The following AGFG1 variants were observed in gnomAD, a reference collection of about 807,000 sequenced individuals.
AGFG1 encodes ArfGAP with FG repeats 1, also known as arf-GAP domain and FG repeat-containing protein 1.
In AGFG1, 10 loss-of-function variants were observed where a neutral mutation model predicts 60.6. The observed-to-expected ratio is 0.16, with a 90% CI of 0.10 to 0.28. The LOEUF (loss-of-function observed/expected upper bound fraction) is 0.28, where lower values mean the gene tolerates loss of function less well. AGFG1 is among the 10% of genes least tolerant of loss of function. The pLI is 1.00. For synonymous variants in AGFG1, 247 were observed against 242.9 expected, an observed-to-expected ratio of 1.02 and a Z score of -0.16; for missense variants, 537 against 676.5, an observed-to-expected ratio of 0.79 and a Z score of 2.29.
At chr2:227,523,993 A>C (rs1187105289) in intron 4 of AGFG1, 68 bp downstream of exon 4, 2 of 1,461,016 alleles carry the variant, frequency 1.4e-6, no homozygotes, top group Non-Finnish European at 1.9e-6. Flanking sequence ...GAATTTGAGA[A>C]TTGTTTAAGA....
chr2:227,536,058 T>C (rs1000299640), intron 8 of AGFG1, among the ~76,000 whole-genome samples: 1 of 152,152 alleles, frequency 6.6e-6, no homozygotes, highest in African/African-American at 2.4e-5. Context: ...CTAGGGTACA[T>C]GTGCACAACG....
At chr2:227,497,252 TTTGGTCTGCAGA>T (rs939574708) in intron 2 of AGFG1, among the ~76,000 whole-genome samples, 3 of 149,332 alleles carry the variant, frequency 2.0e-5, no homozygotes, top group Middle Eastern at 3.4e-3. Context: ...GATGACCCAG[TTTGGTCTGCAGA>T]TTGAAGATGT....
chr2:227,560,877 A>C lies in AGFG1; in HGVS notation c.*6382A>C, dbSNP rs1225986117. On this transcript the variant is annotated 3_prime_UTR_variant, in exon 13 of 13. Coordinates refer to ENST00000310078, the MANE Select transcript of AGFG1 (RefSeq NM_004504.5). ...TTGTTTTCTGCAAAAGTTTATTTTCAATGAAGAATACTTGTCCTAATAGCT... is the reference window on the plus strand; with the variant it reads ...TTGTTTTCTGCAAAAGTTTATTTTCCATGAAGAATACTTGTCCTAATAGCT... 6.6e-6 allele frequency: 1 copy of C among 152,116 alleles called. No individual in the cohort carries two copies. Among genetic ancestry groups the C allele is most frequent in the Non-Finnish European group, 1.5e-5 (1 of 67,982 alleles). The allele number at this position is 152,116 out of a possible 1,614,324, so 9.4% of individuals were successfully genotyped here. A position where few individuals can be genotyped will look rare whatever the true frequency, so the allele number is the denominator to read the frequency against.
intron 10 of AGFG1, among the ~76,000 whole-genome samples, chr2:227,539,576 G>A (rs1453739104): frequency 1.3e-5 from 2 of 151,652 alleles, no homozygotes; most frequent in African/African-American, 4.8e-5. Context: ...GGGCAACATG[G>A]CGAACCCCGT....
At position 227,474,809 on chromosome 2, in the gene AGFG1, G is replaced by A. The variant is rs536628132; in HGVS notation, c.167+2221G>A. ...AGTACTTATGAGCTAGGTACACATG[G>A]CTTTGAATCCTGACTCCAAGTATTA... On this transcript the variant is annotated intron_variant, in intron 1 of 12. Coordinates refer to ENST00000310078, the MANE Select transcript of AGFG1 (RefSeq NM_004504.5). Among the ~76,000 whole-genome samples, 8 of 152,314 alleles carry A rather than the reference G, an allele frequency of 5.3e-5. No homozygotes were observed. The East Asian group carries it at 1.5e-3, about 29-fold the overall frequency.
At chr2:227,531,444 T>G (rs1233014750) in intron 6 of AGFG1, among the ~76,000 whole-genome samples, 1 of 152,074 alleles carries the variant, frequency 6.6e-6, no homozygotes, top group Non-Finnish European at 1.5e-5. Context: ...CTCCTTTTCC[T>G]GCGCATGAAT....
intron 6 of AGFG1, among the ~76,000 whole-genome samples, chr2:227,532,772 A>T (rs1238056966): frequency 6.6e-6 from 1 of 152,192 alleles, no homozygotes; most frequent in Non-Finnish European, 1.5e-5. Flanking sequence ...TCAAAAGCAT[A>T]GAATGAAATA....
At chr2:227,529,818 T>C (rs936243930) in intron 5 of AGFG1, among the ~76,000 whole-genome samples, 1 of 151,910 alleles carries the variant, frequency 6.6e-6, no homozygotes, top group African/African-American at 2.4e-5. Context: ...GGTGCCCTTT[T>C]TAAAGGGGAT....
intron 2 of AGFG1, among the ~76,000 whole-genome samples, chr2:227,509,178 T>C (rs1303829824): frequency 5.9e-5 from 9 of 152,122 alleles, no homozygotes; most frequent in Admixed American, 5.9e-4. Flanking sequence ...TGGGACAAAT[T>C]GATGTTGTGT....
intron 10 of AGFG1, among the ~76,000 whole-genome samples, chr2:227,542,754 C>G (rs1323129194): frequency 6.6e-6 from 1 of 152,124 alleles, no homozygotes; most frequent in Non-Finnish European, 1.5e-5. Flanking sequence ...CTTTGTACCT[C>G]TGGTAGAATT....
At chr2:227,501,652 C>T (rs192331452) in intron 2 of AGFG1, among the ~76,000 whole-genome samples, 1,895 of 152,084 alleles carry the variant, frequency 0.012, 73 homozygotes, top group Admixed American at 0.084. Context: ...GGCTGGATCA[C>T]GGCTTACTGC....
At chr2:227,525,466 G>T (rs1161349827) in intron 5 of AGFG1, among the ~76,000 whole-genome samples, 2 of 152,008 alleles carry the variant, frequency 1.3e-5, no homozygotes, top group Non-Finnish European at 2.9e-5. Flanking sequence ...ACATACATAC[G>T]TACATATGTA....
chr2:227,534,390 G>T (rs1222792788), intron 7 of AGFG1, among the ~76,000 whole-genome samples: 1 of 152,152 alleles, frequency 6.6e-6, no homozygotes, highest in Non-Finnish European at 1.5e-5. Flanking sequence ...ATAGAACAGT[G>T]CCTAGCACAT....
chr2:227,490,310 C>T (rs1406122940), intron 1 of AGFG1, among the ~76,000 whole-genome samples: 1 of 152,022 alleles, frequency 6.6e-6, no homozygotes. Flanking sequence ...CGGGCGTGGT[C>T]GCTCACGCCT....
chr2:227,536,513 G>T, intron 8 of AGFG1, 112 bp from the exon 9 acceptor site: 2 of 757,956 alleles, frequency 2.6e-6, no homozygotes, highest in South Asian at 1.8e-5. Context: ...TCTTTGTGTT[G>T]ATACTGATGC....
intron 10 of AGFG1, among the ~76,000 whole-genome samples, chr2:227,546,392 C>T (rs938462757): frequency 3.9e-5 from 6 of 152,224 alleles, no homozygotes; most frequent in African/African-American, 1.4e-4. Context: ...CCGTCTGTCA[C>T]AGCTTCTGTT....
At chr2:227,548,161 CA>C (rs1353197034) in intron 10 of AGFG1, among the ~76,000 whole-genome samples, 2 of 144,898 alleles carry the variant, frequency 1.4e-5, no homozygotes, top group African/African-American at 5.1e-5. Context: ...CAATGATTGC[CA>C]GGGGGTAGGG....
chr2:227,521,306 A>G (rs1463370347), intron 3 of AGFG1, among the ~76,000 whole-genome samples: 1 of 152,128 alleles, frequency 6.6e-6, no homozygotes. Context: ...ACCTCAGGTG[A>G]TCCACCTGCC....
At chr2:227,499,868 T>C (rs1691098074) in intron 2 of AGFG1, among the ~76,000 whole-genome samples, 1 of 152,180 alleles carries the variant, frequency 6.6e-6, no homozygotes, top group Non-Finnish European at 1.5e-5. Flanking sequence ...TCAGGTGACT[T>C]CAGTGCCTTA....
Sources: allele counts gnomAD v4.1 joint callset (sites outside exome capture counted in the v4.1 genomes callset), GRCh38; gene constraint gnomAD v4.1.1; transcripts MANE v1.5; gene names NCBI Gene and HGNC (gene_info 2026-07-23, HGNC 2026-07-21).